CRB1: variants seen among roughly 807,000 people sequenced by gnomAD.
The protein encoded by CRB1 is crumbs cell polarity complex component 1.
A neutral mutation model predicts 120.0 loss-of-function variants in CRB1; 83 were observed. The observed-to-expected ratio is 0.69, with a 90% CI of 0.58 to 0.83. The LOEUF (loss-of-function observed/expected upper bound fraction) is 0.83, where lower values mean the gene tolerates loss of function less well. Among genes scored for constraint, CRB1 ranks in the 40% least tolerant of loss-of-function variants. The pLI, the probability that CRB1 is intolerant of heterozygous loss-of-function variation, is 0.00. For missense variants in CRB1, 1,699 were observed against 1,687.6 expected, an observed-to-expected ratio of 1.01 and a Z score of -0.12; for synonymous variants, 625 against 612.5, an observed-to-expected ratio of 1.02 and a Z score of -0.30.
the CRB1 span, chr1:197,222,994 G>T: frequency 1.2e-6 from 1 of 801,020 alleles, no homozygotes. Flanking sequence ...CAGTGGTAGA[G>T]TTAGTCACTA....
rs71131753 is a variant in CRB1, at chr1:197,327,091, C to CAAAAA, written c.71-1294_71-1290dup. 5.1e-3 allele frequency among the ~76,000 whole-genome samples: 130 copies of CAAAAA among 25,636 alleles called. 15 individuals carry two copies. The highest frequency in any genetic ancestry group is 6.5e-3 in the Non-Finnish European group (90 of 13,932). The allele number at this position is 25,636 out of a possible 152,430, so 16.8% of individuals were successfully genotyped here. A position where few individuals can be genotyped will look rare whatever the true frequency, so the allele number is the denominator to read the frequency against. On this transcript the variant is annotated intron_variant, in intron 1 of 11. Transcript: ENST00000367400. ...ATTTAGTGACTTAATTCTCACACAC[C>CAAAAA]AAAAAAAAAAAAAAAAAAAAAAAAA...
At chr1:197,309,536 G>C (rs1571812599) in intron 1 of CRB1, among the ~76,000 whole-genome samples, 1 of 151,964 alleles carries the variant, frequency 6.6e-6, no homozygotes, top group South Asian at 2.1e-4. Flanking sequence ...GGGCGGATCA[G>C]GAGGTCAGGA....
At chr1:197,454,361 A>G (rs1213656538) in intron 11 of CRB1, among the ~76,000 whole-genome samples, 3 of 152,162 alleles carry the variant, frequency 2.0e-5, no homozygotes, top group African/African-American at 4.8e-5. Context: ...ATTTTGATGC[A>G]TTATCAAGCA....
intron 3 of CRB1, among the ~76,000 whole-genome samples, chr1:197,345,519 T>TG (rs1030778302): frequency 1.4e-5 from 2 of 144,852 alleles, no homozygotes; most frequent in African/African-American, 5.2e-5. Flanking sequence ...TTTTTTTTTT[T>TG]TTTTTTTGAG....
At chr1:197,403,861 A>G (rs1370970472) in intron 5 of CRB1, among the ~76,000 whole-genome samples, 3 of 152,096 alleles carry the variant, frequency 2.0e-5, no homozygotes, top group African/African-American at 7.2e-5. Flanking sequence ...TTGCTAACAA[A>G]ATAAATCTGT....
At chr1:197,247,894 A>G in the CRB1 span, among the ~76,000 whole-genome samples, 2 of 152,064 alleles carry the variant, frequency 1.3e-5, no homozygotes, top group Admixed American at 1.3e-4. Flanking sequence ...ACCTTAAATC[A>G]TCTAATTGAC....
intron 10 of CRB1, chr1:197,439,972 T>G (rs1461909919): frequency 1.3e-5 from 2 of 152,212 alleles, no homozygotes; most frequent in Non-Finnish European, 2.9e-5. Flanking sequence ...GTTGGTTCTT[T>G]GTGGTACAGG....
the CRB1 span, among the ~76,000 whole-genome samples, chr1:197,221,798 C>T: frequency 6.6e-6 from 1 of 152,130 alleles, no homozygotes; most frequent in African/African-American, 2.4e-5. Flanking sequence ...AACCACCTAG[C>T]CCTGATCCTG....
At chr1:197,280,573 A>G (rs1655462358) in intron 1 of CRB1, among the ~76,000 whole-genome samples, 1 of 151,924 alleles carries the variant, frequency 6.6e-6, no homozygotes, top group Non-Finnish European at 1.5e-5. Context: ...CATACCAAAC[A>G]TGTATTCTAT....
At chr1:197,211,810 T>TC in the CRB1 span, among the ~76,000 whole-genome samples, 1 of 151,246 alleles carries the variant, frequency 6.6e-6, no homozygotes, top group Non-Finnish European at 1.5e-5. Flanking sequence ...ATATTAAAAT[T>TC]TTTTTTTCAA....
intron 11 of CRB1, among the ~76,000 whole-genome samples, chr1:197,473,619 A>G (rs943876361): frequency 4.0e-5 from 2 of 49,830 alleles, no homozygotes; most frequent in African/African-American, 9.3e-5. Context: ...CATTTTTCAG[A>G]AAAAAAAAAA....
chr1:197,294,905 G>C (rs559338034), intron 1 of CRB1, among the ~76,000 whole-genome samples: 2 of 152,196 alleles, frequency 1.3e-5, no homozygotes, highest in East Asian at 3.9e-4. Flanking sequence ...AGAGCCTGTC[G>C]TGGGGTAGAG....
At chr1:197,209,504 C>T in the CRB1 span, among the ~76,000 whole-genome samples, 1 of 152,058 alleles carries the variant, frequency 6.6e-6, no homozygotes, top group African/African-American at 2.4e-5. Flanking sequence ...TGCCACCATG[C>T]CTGGCTAATT....
chr1:197,332,588 T>C (rs573372026), intron 2 of CRB1, among the ~76,000 whole-genome samples: 1 of 152,138 alleles, frequency 6.6e-6, no homozygotes, highest in African/African-American at 2.4e-5. Context: ...CTCACCAATC[T>C]CCTACACAAG....
the CRB1 span, among the ~76,000 whole-genome samples, chr1:197,230,616 A>G: frequency 6.6e-6 from 1 of 152,178 alleles, no homozygotes; most frequent in Non-Finnish European, 1.5e-5. Context: ...TTGCTCTTGC[A>G]GGTAAATAAA....
the CRB1 span, among the ~76,000 whole-genome samples, chr1:197,226,729 GT>G: frequency 3.9e-5 from 6 of 152,228 alleles, 1 homozygote; most frequent in African/African-American, 1.4e-4. Flanking sequence ...GAAAAGGACT[GT>G]TTCCATGCTG....
intron 5 of CRB1, among the ~76,000 whole-genome samples, chr1:197,399,836 T>A (rs1662972513): frequency 6.6e-6 from 1 of 152,170 alleles, no homozygotes; most frequent in Non-Finnish European, 1.5e-5. Context: ...AGTTTCTTGG[T>A]GGCAGTGAGC....
In CRB1 at chr1:197,273,378, C is replaced by G. The variant is rs535057207; in HGVS notation, c.70+4896C>G. Among the ~76,000 whole-genome samples, 3 of 152,172 alleles carry G rather than the reference C, an allele frequency of 2.0e-5. No individual in the cohort carries two copies. In the East Asian group the frequency reaches 5.8e-4, roughly 30 times the overall value. On this transcript the variant is annotated intron_variant, in intron 1 of 11. Coordinates refer to ENST00000367400, the MANE Select transcript of CRB1 (RefSeq NM_201253.3). ...ATGATATGTGACTGCTGATATTGAC[C>G]TTACTCACCTGGGAGGTGGTGTTAT... is the stretch of plus-strand genomic sequence containing the variant.
chr1:197,315,556 A>G (rs1354367591), intron 1 of CRB1, among the ~76,000 whole-genome samples: 1 of 152,246 alleles, frequency 6.6e-6, no homozygotes, highest in Non-Finnish European at 1.5e-5. Context: ...CAGAAACAAC[A>G]TCTAATTTTT....
Sources: gnomAD v4.1 joint callset for allele counts (sites outside exome capture counted in the v4.1 genomes callset) on GRCh38, gnomAD v4.1.1 for gene constraint, MANE v1.5 for transcripts, NCBI Gene and HGNC (gene_info 2026-07-23, HGNC 2026-07-21) for gene names.